Variants in MACROH2A1 observed in about 807,000 individuals in gnomAD.
MACROH2A1 encodes the protein macroH2A.1 histone, also known as core histone macro-H2A.1.
In MACROH2A1, 2 loss-of-function variants were observed where a neutral mutation model predicts 31.6. That is an observed-to-expected ratio of 0.06 (90% CI 0.03 to 0.20). The LOEUF is 0.20. MACROH2A1 is among the 10% of genes least tolerant of loss of function. MACROH2A1 has a pLI of 1.00. For missense variants in MACROH2A1, 230 were observed against 474.0 expected (o/e 0.49, Z 4.78); for synonymous variants, 169 against 189.6 (o/e 0.89, Z 0.89).
At chr5:135,345,790 C>T in intron 7 of MACROH2A1, 178 bp downstream of exon 7, 1 of 553,406 alleles carries the variant, frequency 1.8e-6, no homozygotes, top group Middle Eastern at 4.0e-4. Flanking sequence ...GTGATTTTCC[C>T]AGACAACCTG....
chr5:135,368,395 T>C (rs1763782755), intron 4 of MACROH2A1, among the ~76,000 whole-genome samples: 2 of 152,232 alleles, frequency 1.3e-5, no homozygotes, highest in Non-Finnish European at 2.9e-5. Flanking sequence ...TTTGGGCTCA[T>C]GTAGGAAGAA....
intron 1 of MACROH2A1, 108 bp from the exon 2 acceptor site, chr5:135,389,234 A>C (rs1766860976): frequency 1.4e-6 from 1 of 716,388 alleles, no homozygotes; most frequent in African/African-American, 1.8e-5. Context: ...TGCAGATGCC[A>C]CTGTCTGTAG....
At chr5:135,352,140 A>C (rs1761662212) in intron 6 of MACROH2A1, among the ~76,000 whole-genome samples, 1 of 152,190 alleles carries the variant, frequency 6.6e-6, no homozygotes, top group Non-Finnish European at 1.5e-5. Flanking sequence ...ATTGCAGTTG[A>C]GGGTTAGGAA....
At chr5:135,359,727 A>G in intron 5 of MACROH2A1, 1 of 970,492 alleles carries the variant, frequency 1.0e-6, no homozygotes, top group Non-Finnish European at 1.2e-6. Context: ...TTAACTTGGA[A>G]CGTCAAATTC....
At chr5:135,335,631 T>TAACA (rs1013248897) in intron 8 of MACROH2A1, among the ~76,000 whole-genome samples, 23 of 152,092 alleles carry the variant, frequency 1.5e-4, no homozygotes, top group African/African-American at 5.3e-4. Context: ...ATCCACCCTC[T>TAACA]AACACACACC....
chr5:135,380,136 A>G (rs1027903175), intron 2 of MACROH2A1, among the ~76,000 whole-genome samples: 1 of 152,090 alleles, frequency 6.6e-6, no homozygotes, highest in African/African-American at 2.4e-5. Flanking sequence ...CCTGAAACTC[A>G]TCATTCCTCT....
intron 2 of MACROH2A1, among the ~76,000 whole-genome samples, chr5:135,386,715 C>A (rs1766456433): frequency 6.6e-6 from 1 of 152,198 alleles, no homozygotes; most frequent in South Asian, 2.1e-4. Context: ...AGATTCAGAA[C>A]CAGCTATGCC....
chr5:135,372,170 C>T (rs751040561), intron 2 of MACROH2A1, among the ~76,000 whole-genome samples: 2 of 152,170 alleles, frequency 1.3e-5, no homozygotes, highest in Non-Finnish European at 2.9e-5. Flanking sequence ...CAGGAGGGAC[C>T]CAAGGCACCA....
chr5:135,370,154 A>C lies in MACROH2A1; in HGVS notation c.173-12T>G. 1 of 1,557,342 alleles carries C rather than the reference A, an allele frequency of 6.4e-7. No homozygotes were observed. The highest frequency in any genetic ancestry group is 1.1e-5 in the South Asian group (1 of 88,822). On this transcript the variant is annotated splice_polypyrimidine_tract_variant and intron_variant, in intron 2 of 8. Coordinates refer to ENST00000511689, the MANE Select transcript of MACROH2A1 (RefSeq NM_138610.3). ...CTCCAGAATCTCCGCTGTGGGGAGC[A>C]GAGATGAGTGTATGGTCATGTTAGA...
intron 1 of MACROH2A1, among the ~76,000 whole-genome samples, chr5:135,397,039 C>T (rs1186775451): frequency 6.6e-6 from 1 of 151,948 alleles, no homozygotes; most frequent in Non-Finnish European, 1.5e-5. Flanking sequence ...TCTGAAAAGG[C>T]TGTCACAAAT....
chr5:135,359,914 G>A, intron 5 of MACROH2A1: 2 of 984,874 alleles, frequency 2.0e-6, no homozygotes, highest in Non-Finnish European at 2.4e-6. Context: ...AAACCATGGC[G>A]TCCTGGCAAA....
chr5:135,352,624 C>CA (rs1357855725), intron 6 of MACROH2A1, among the ~76,000 whole-genome samples: 4 of 152,072 alleles, frequency 2.6e-5, no homozygotes, highest in South Asian at 2.1e-4. Context: ...AAAGTAAAAA[C>CA]AAAAAAACAA....
rs1388210723 is a variant in MACROH2A1 at position 135,369,120 on chromosome 5, T to C, written c.477+286A>G. Among the ~76,000 whole-genome samples the C allele has an allele frequency of 1.3e-5, 2 of 152,184 alleles. No individual in the cohort carries two copies. The highest frequency in any genetic ancestry group is 2.9e-5 in the Non-Finnish European group (2 of 68,022). ...TGTGCATCTCCCTGGAAGGGCCAGC[T>C]TGGGAGTCCTTCCAGCTTGACACTA... is the stretch of plus-strand genomic sequence containing the variant. On this transcript the variant is annotated intron_variant, in intron 4 of 8. Coordinates refer to ENST00000511689, the MANE Select transcript of MACROH2A1 (RefSeq NM_138610.3). The surrounding 1 kb of genome is among the most constrained non-coding windows in gnomAD (Gnocchi z 4.3).
At chr5:135,335,591 C>T (rs1225757042) in intron 8 of MACROH2A1, among the ~76,000 whole-genome samples, 1 of 152,144 alleles carries the variant, frequency 6.6e-6, no homozygotes, top group Non-Finnish European at 1.5e-5. Context: ...AGAAGAGTTA[C>T]CCCTTCACAC....
chr5:135,339,059 C>A (rs1759317106), intron 8 of MACROH2A1, among the ~76,000 whole-genome samples: 1 of 152,196 alleles, frequency 6.6e-6, no homozygotes, highest in African/African-American at 2.4e-5. Flanking sequence ...CCTGACCTGG[C>A]CTGTGGGTTG....
At chr5:135,392,396 C>T (rs1273459101) in intron 1 of MACROH2A1, among the ~76,000 whole-genome samples, 1 of 152,302 alleles carries the variant, frequency 6.6e-6, no homozygotes, top group South Asian at 2.1e-4. Flanking sequence ...ATAAAGCGGC[C>T]TCAAGTCTGT....
chr5:135,376,960 C>T (rs145769777), intron 2 of MACROH2A1, among the ~76,000 whole-genome samples: 2,563 of 152,298 alleles, frequency 0.017, 40 homozygotes, highest in South Asian at 0.033. Flanking sequence ...AACAGAAAAC[C>T]TGGTGTTTCC....
intron 2 of MACROH2A1, among the ~76,000 whole-genome samples, chr5:135,373,190 C>T (rs1477720090): frequency 6.6e-6 from 1 of 152,120 alleles, no homozygotes; most frequent in African/African-American, 2.4e-5. Context: ...AGAGAAGGCT[C>T]AGTGGCCGTT....
At chr5:135,374,324 C>T (rs1331313724) in intron 2 of MACROH2A1, among the ~76,000 whole-genome samples, 5 of 152,166 alleles carry the variant, frequency 3.3e-5, no homozygotes, top group Non-Finnish European at 7.3e-5. Context: ...CAGGGGGGAG[C>T]GGAGAGGGTG....
Sources: gnomAD v4.1 joint callset for allele counts (sites outside exome capture counted in the v4.1 genomes callset) on GRCh38, gnomAD v4.1.1 for gene constraint, Gnocchi (gnomAD v3.1) non-coding constraint, MANE v1.5 for transcripts, NCBI Gene and HGNC (gene_info 2026-07-23, HGNC 2026-07-21) for gene names.